The following NEB variants were observed in gnomAD, a reference collection of about 807,000 sequenced individuals.
NEB encodes nemaline myopathy type 2.
NEB carries 512 observed loss-of-function variants against 952.2 expected under a neutral mutation model. The ratio of observed to expected loss-of-function variants is 0.54; its 90% CI spans 0.50 to 0.58. The LOEUF is 0.58. Ranked by LOEUF, NEB falls within the 20% of genes least tolerant of loss-of-function variation. The pLI is 0.00. For missense variants in NEB, 8,428 were observed against 9,231.1 expected, an observed-to-expected ratio of 0.91 and a Z score of 3.56; for synonymous variants, 2,900 against 3,149.8, an observed-to-expected ratio of 0.92 and a Z score of 2.66.
chr2:151,545,030 C>A (rs1330084862), intron 135 of NEB, among the ~76,000 whole-genome samples: 1 of 152,094 alleles, frequency 6.6e-6, no homozygotes, highest in Non-Finnish European at 1.5e-5. Flanking sequence ...AACATGGGGT[C>A]CAATCATCAA....
At chr2:151,525,398 A>ATC in intron 150 of NEB, 125 bp from the exon 151 acceptor site, 3 of 674,486 alleles carry the variant, frequency 4.4e-6, no homozygotes, top group African/African-American at 1.8e-5. Context: ...TGGGACTTAG[A>ATC]TAAGACCCAT....
intron 72 of NEB, among the ~76,000 whole-genome samples, chr2:151,620,379 ATATATATATATATT>A (rs2098386427): frequency 3.5e-5 from 3 of 84,690 alleles, no homozygotes; most frequent in Admixed American, 1.8e-4. Context: ...ATATATATAT[ATATATATATATATT>A]TAACCAGAAT....
At chr2:151,511,621 A>C (rs1024671746) in intron 161 of NEB, among the ~76,000 whole-genome samples, 2 of 152,232 alleles carry the variant, frequency 1.3e-5, no homozygotes, top group Non-Finnish European at 2.9e-5. Context: ...TCAGAAGACA[A>C]GCACAAATTC....
chr2:151,729,428 A>C lies in NEB; in HGVS notation c.78+187T>G, dbSNP rs1257842398. 2.0e-5 allele frequency among the ~76,000 whole-genome samples: 3 copies of C among 152,364 alleles called. No individual in the cohort carries two copies. In the East Asian group the frequency reaches 5.8e-4, roughly 29 times the overall value. On this transcript the variant is annotated intron_variant, in intron 4 of 181. Transcript: ENST00000397345. The stretch of plus-strand genomic sequence containing the variant: ...CTTGCGTTTTTTGAATAGGAAAAAA[A>C]GGTGAAATAATCCATCAAACAGGTA...
In NEB at chr2:151,561,251, GGCGTGTCTGT is replaced by G. The variant is rs2096023637; in HGVS notation, c.19048_19057del (p.Thr6350ProfsTer4). On this transcript the variant is annotated frameshift_variant, in exon 122 of 182. Transcript: ENST00000397345. LOFTEE classifies it high-confidence loss of function. The stretch of plus-strand genomic sequence containing the variant: ...ACTCTGAACAGCAGTCACATAGAGG[GGCGTGTCTGT>G]GACCAGATTATAGTTTTGTAGATTT... 2 of 1,608,564 alleles carry G rather than the reference GGCGTGTCTGT, an allele frequency of 1.2e-6. No individual in the cohort carries two copies.
intron 16 of NEB, 132 bp downstream of exon 16, chr2:151,697,016 T>A (rs903074755): frequency 1.4e-6 from 1 of 691,848 alleles, no homozygotes; most frequent in Admixed American, 3.0e-5. Context: ...GGATGTTTAC[T>A]ACAAAATAGA....
chr2:151,684,563 C>T (rs6433566), intron 28 of NEB, among the ~76,000 whole-genome samples: 110,119 of 152,098 alleles, frequency 0.72, 41,806 homozygotes, highest in Non-Finnish European at 0.84. Flanking sequence ...GCAAGGTTGA[C>T]ATATTTCCCA....
chr2:151,675,441 G>T, intron 34 of NEB, 50 bp from the exon 35 acceptor site: 1 of 1,282,974 alleles, frequency 7.8e-7, no homozygotes, highest in Non-Finnish European at 1.1e-6. Context: ...TCTATTAATT[G>T]TTTGCTTTAA....
At position 151,527,550 on chromosome 2, in the gene NEB, G is replaced by A. The variant is rs748363300; in HGVS notation, c.21771C>T (p.Ala7257=). 57 of 1,613,074 alleles carry A rather than the reference G, an allele frequency of 3.5e-5. No homozygotes were observed. The highest frequency in any genetic ancestry group is 4.6e-5 in the Non-Finnish European group (54 of 1,179,576). The change falls in exon 147 of 182, where the codon GCC becomes GCT. Residue 7257 remains alanine (A), a synonymous_variant. Transcript: ENST00000397345. ...GTCGGTCAGGAGTCCACTTCCAGTGGGCTTTGTTGGCTTCGTACTGTTTCT... is the reference window on the plus strand; with the variant it reads ...GTCGGTCAGGAGTCCACTTCCAGTGAGCTTTGTTGGCTTCGTACTGTTTCT... ...DYKKQYEANK[A]HWKWTPDRPD...
intron 13 of NEB, among the ~76,000 whole-genome samples, chr2:151,701,752 CTCTT>C (rs1339494745): frequency 6.6e-6 from 1 of 150,960 alleles, no homozygotes; most frequent in African/African-American, 2.4e-5. Flanking sequence ...TGATTCTTCT[CTCTT>C]TTTTTCTTTA....
chr2:151,562,028 T>C (rs762284158), intron 121 of NEB, 82 bp downstream of exon 121: 11 of 1,097,382 alleles, frequency 1.0e-5, no homozygotes, highest in Non-Finnish European at 1.4e-5. Context: ...AGCAACTTTC[T>C]TTGCCTGCCC....
intron 46 of NEB, 62 bp from the exon 47 acceptor site, chr2:151,659,231 C>A: frequency 1.0e-6 from 1 of 968,510 alleles, no homozygotes; most frequent in South Asian, 1.4e-5. Flanking sequence ...TTAGTACATA[C>A]ATATCATTGT....
chr2:151,635,377 A>G lies in NEB; in HGVS notation c.9102+850T>C, dbSNP rs1560759461. 2.0e-5 allele frequency among the ~76,000 whole-genome samples: 3 copies of G among 152,236 alleles called. 1 individual carries two copies. Among genetic ancestry groups the G allele is most frequent in the Non-Finnish European group, 1.5e-5 (1 of 68,024 alleles). On this transcript the variant is annotated intron_variant, in intron 64 of 181. Transcript: ENST00000397345. ...TCAAGAATCCCTGAGGCACCAGAAA[A>G]GGATGACAGTTTTGCTCTGGGAGAC...
At chr2:151,723,642 A>T (rs2099781073) in intron 8 of NEB, among the ~76,000 whole-genome samples, 156 bp from the exon 9 acceptor site, 2 of 151,682 alleles carry the variant, frequency 1.3e-5, no homozygotes, top group South Asian at 4.2e-4. Flanking sequence ...TTTCCATCCA[A>T]CCCAAGTCAT....
chr2:151,674,498 T>C lies in NEB; in HGVS notation c.3966A>G (p.Ala1322=), dbSNP rs1325562618. 1 of 1,613,892 alleles carries C rather than the reference T, an allele frequency of 6.2e-7. No individual in the cohort carries two copies. Among genetic ancestry groups the C allele is most frequent in the Non-Finnish European group, 8.5e-7 (1 of 1,179,850 alleles). ...TCACATCACTGGCAATGTTTCTCGA[T>C]GCCTTGGCTGCAGTGATGGGAATAG... ...GDAIPITAAK[A]SRNIASDYKY... Residue 1322 remains alanine, a synonymous_variant, in exon 36 of 182, where the codon GCA becomes GCG. Coordinates refer to ENST00000397345, the MANE Select transcript of NEB (RefSeq NM_001164508.2).
intron 117 of NEB, among the ~76,000 whole-genome samples, chr2:151,564,781 C>T (rs2096279140): frequency 6.6e-6 from 1 of 152,176 alleles, no homozygotes. Flanking sequence ...GCACGATCTC[C>T]TGAAGGCTTG....
intron 133 of NEB, among the ~76,000 whole-genome samples, chr2:151,547,212 G>A (rs2094827157): frequency 6.6e-6 from 1 of 152,120 alleles, no homozygotes; most frequent in African/African-American, 2.4e-5. Context: ...AAGAATGATG[G>A]CAATTCTGTC....
At chr2:151,553,323 T>C in intron 127 of NEB, 75 bp downstream of exon 127, 1 of 1,261,584 alleles carries the variant, frequency 7.9e-7, no homozygotes. Flanking sequence ...ATGTCCCTAT[T>C]TTACATAACC....
Position 151,723,371 on chromosome 2 carries a change from A to G in NEB, c.717+11T>C. The G allele has an allele frequency of 6.3e-7, 1 of 1,596,276 alleles. No homozygotes were observed. Among genetic ancestry groups the G allele is most frequent in the South Asian group, 1.1e-5 (1 of 88,028 alleles). The stretch of plus-strand genomic sequence containing the variant: ...TGCACACCTAAGTGGTGCCACTTGC[A>G]TTTCACTTACATCACTGAGAGCTTT... On this transcript the variant is annotated intron_variant, in intron 9 of 181. Coordinates refer to ENST00000397345, the MANE Select transcript of NEB (RefSeq NM_001164508.2).
Sources: allele counts gnomAD v4.1 joint callset (sites outside exome capture counted in the v4.1 genomes callset), GRCh38; gene constraint gnomAD v4.1.1; transcripts MANE v1.5; gene names NCBI Gene and HGNC (gene_info 2026-07-23, HGNC 2026-07-21).